The following ATP8A1 variants were observed in gnomAD, a reference collection of about 807,000 sequenced individuals.
ATP8A1 encodes the protein ATPase phospholipid transporting 8A1.
Under a neutral mutation model 177.7 loss-of-function variants are expected in ATP8A1, and 90 were observed. That is an observed-to-expected ratio of 0.51 (90% CI 0.43 to 0.60). The LOEUF is 0.60. ATP8A1 is among the 20% of genes least tolerant of loss of function. The pLI is 0.00. For synonymous variants in ATP8A1, 493 were observed against 485.9 expected, an observed-to-expected ratio of 1.01 and a Z score of -0.19; for missense variants, 1,072 against 1,392.8, an observed-to-expected ratio of 0.77 and a Z score of 3.67.
At chr4:42,579,687 A>T in intron 11 of ATP8A1, 126 bp downstream of exon 11, 1 of 884,670 alleles carries the variant, frequency 1.1e-6, no homozygotes, top group East Asian at 2.7e-5. Flanking sequence ...AATAAAGATC[A>T]AATGTCCAGC....
intron 24 of ATP8A1, among the ~76,000 whole-genome samples, chr4:42,496,798 A>G (rs1209159393): frequency 2.4e-5 from 2 of 83,990 alleles, no homozygotes; most frequent in Non-Finnish European, 4.7e-5. Flanking sequence ...ATATATGCAC[A>G]TATACCCCCC....
At chr4:42,625,586 T>C (rs1161908500) in intron 3 of ATP8A1, 28 bp downstream of exon 3, 1 of 1,474,166 alleles carries the variant, frequency 6.8e-7, no homozygotes, top group Admixed American at 1.8e-5. Flanking sequence ...ACCTGAACAT[T>C]TGACAAGGTT....
At chr4:42,515,212 T>C (rs1254134169) in intron 22 of ATP8A1, among the ~76,000 whole-genome samples, 1 of 152,090 alleles carries the variant, frequency 6.6e-6, no homozygotes, top group Non-Finnish European at 1.5e-5. Context: ...CTTAAGCAAA[T>C]AGAACAGGAA....
At chr4:42,435,461 A>ACC (rs1553871737) in intron 33 of ATP8A1, among the ~76,000 whole-genome samples, 8 of 122,346 alleles carry the variant, frequency 6.5e-5, no homozygotes, top group Admixed American at 1.8e-4. Flanking sequence ...AAAAAAAAAA[A>ACC]AACAAACTAT....
intron 16 of ATP8A1, among the ~76,000 whole-genome samples, chr4:42,555,269 G>A (rs1730086684): frequency 6.6e-6 from 1 of 151,166 alleles, no homozygotes; most frequent in Admixed American, 6.6e-5. Context: ...TTTCACATTG[G>A]GTGGCAGAAG....
intron 19 of ATP8A1, 137 bp downstream of exon 19, chr4:42,548,876 G>C (rs1279387270): frequency 1.5e-6 from 1 of 672,606 alleles, no homozygotes; most frequent in African/African-American, 1.8e-5. Context: ...ATGTACTAAA[G>C]ATTTTGATTT....
intron 33 of ATP8A1, among the ~76,000 whole-genome samples, chr4:42,431,451 A>AT (rs1327744231): frequency 2.0e-5 from 3 of 151,970 alleles, no homozygotes; most frequent in Non-Finnish European, 4.4e-5. Context: ...TATTTCTCTC[A>AT]TTTTTGTCAA....
At chr4:42,570,373 T>A (rs892729915) in intron 14 of ATP8A1, among the ~76,000 whole-genome samples, 1 of 152,248 alleles carries the variant, frequency 6.6e-6, no homozygotes, top group Non-Finnish European at 1.5e-5. Context: ...CTGTGGAAAC[T>A]GGCTGCAACT....
rs375888383 is a variant in ATP8A1 at position 42,635,754 on chromosome 4, TACACACAC to T, written c.50-8653_50-8646del. On this transcript the variant is annotated intron_variant, in intron 1 of 36. Transcript: ENST00000381668. ...ACATACACACATATATACATATATA[TACACACAC>T]ACACACACACACACACACACATATA... is the stretch of plus-strand genomic sequence containing the variant. Among the ~76,000 whole-genome samples the T allele has an allele frequency of 4.6e-3, 377 of 81,816 alleles. 6 individuals are homozygous for T. The highest frequency in any genetic ancestry group is 0.015 in the African/African-American group (360 of 23,888). The allele number at this position is 81,816 out of a possible 152,430, so 53.7% of individuals were successfully genotyped here. A position where few individuals can be genotyped will look rare whatever the true frequency, so the allele number is the denominator to read the frequency against.
intron 23 of ATP8A1, among the ~76,000 whole-genome samples, 179 bp from the exon 24 acceptor site, chr4:42,503,693 G>T (rs1336860702): frequency 6.6e-6 from 1 of 152,132 alleles, no homozygotes; most frequent in South Asian, 2.1e-4. Flanking sequence ...GCCATAGGAG[G>T]GATATGCAAC....
intron 5 of ATP8A1, among the ~76,000 whole-genome samples, chr4:42,612,558 T>C (rs1736471690): frequency 6.6e-6 from 1 of 151,222 alleles, no homozygotes; most frequent in Non-Finnish European, 1.5e-5. Flanking sequence ...TACTCTGTCT[T>C]CTCTCTGCAG....
chr4:42,419,523 A>G (rs988084134), intron 35 of ATP8A1, among the ~76,000 whole-genome samples: 3 of 152,194 alleles, frequency 2.0e-5, no homozygotes, highest in South Asian at 2.1e-4. Context: ...TTGAATCTAC[A>G]TTGGGTTTGG....
intron 10 of ATP8A1, among the ~76,000 whole-genome samples, chr4:42,580,974 C>T (rs1404326002): frequency 1.3e-5 from 2 of 152,124 alleles, no homozygotes; most frequent in African/African-American, 4.8e-5. Context: ...AATTACAAGA[C>T]AAATGTTTTA....
At chr4:42,496,806 C>A (rs1198047733) in intron 24 of ATP8A1, among the ~76,000 whole-genome samples, 1 of 151,870 alleles carries the variant, frequency 6.6e-6, no homozygotes, top group Non-Finnish European at 1.5e-5. Context: ...ACATATACCC[C>A]CCCCCACACA....
At chr4:42,601,302 C>T (rs1010288297) in intron 5 of ATP8A1, among the ~76,000 whole-genome samples, 4 of 151,312 alleles carry the variant, frequency 2.6e-5, no homozygotes, top group African/African-American at 7.3e-5. Flanking sequence ...TCCCAAAGTG[C>T]TTGGATTACA....
intron 25 of ATP8A1, among the ~76,000 whole-genome samples, chr4:42,484,608 T>G (rs543727655): frequency 6.6e-6 from 1 of 152,248 alleles, no homozygotes; most frequent in South Asian, 2.1e-4. Flanking sequence ...AAGCATAACT[T>G]TATTAGTAAA....
chr4:42,608,747 A>T (rs961392206), intron 5 of ATP8A1, among the ~76,000 whole-genome samples: 2 of 152,210 alleles, frequency 1.3e-5, no homozygotes, highest in African/African-American at 4.8e-5. Flanking sequence ...AACCACAGAA[A>T]ATGTAGTGTG....
chr4:42,624,805 A>G (rs1737873382), intron 3 of ATP8A1, among the ~76,000 whole-genome samples, 171 bp from the exon 4 acceptor site: 1 of 152,182 alleles, frequency 6.6e-6, no homozygotes, highest in Non-Finnish European at 1.5e-5. Flanking sequence ...CTGGAAAAGC[A>G]TGTTAATTAG....
At chr4:42,625,956 T>C (rs1039624621) in intron 2 of ATP8A1, 2 of 279,496 alleles carry the variant, frequency 7.2e-6, no homozygotes, top group Non-Finnish European at 1.3e-5. Flanking sequence ...ATTTGGCCAA[T>C]TATTCTGCTT....
Sources: allele counts gnomAD v4.1 joint callset (sites outside exome capture counted in the v4.1 genomes callset), GRCh38; gene constraint gnomAD v4.1.1; transcripts MANE v1.5; gene names NCBI Gene and HGNC (gene_info 2026-07-23, HGNC 2026-07-21).